Variants in TARDBP observed in about 807,000 individuals in gnomAD.
The protein encoded by TARDBP is TAR DNA-binding protein 43.
Under a neutral mutation model 38.3 loss-of-function variants are expected in TARDBP, and 4 were observed. The observed-to-expected ratio is 0.10, with a 90% CI of 0.05 to 0.24. TARDBP has a LOEUF of 0.24. TARDBP is among the 10% of genes least tolerant of loss of function. TARDBP has a pLI of 1.00. For synonymous variants in TARDBP, 184 were observed against 183.8 expected, an observed-to-expected ratio of 1.00 and a Z score of -0.01; for missense variants, 202 against 521.9, an observed-to-expected ratio of 0.39 and a Z score of 5.97.
At chr1:11,026,408 A>G (rs1477065390), downstream of TARDBP, 1 of 152,722 alleles carries the variant, frequency 6.5e-6, no homozygotes, top group Non-Finnish European at 1.5e-5. Context: ...TAACATGGAA[A>G]TTTTAGTCAA....
intron 5 of TARDBP, among the ~76,000 whole-genome samples, chr1:11,021,153 T>A (rs1922991): frequency 0.69 from 102,708 of 149,230 alleles, 38,372 homozygotes; most frequent in East Asian, 0.86. Flanking sequence ...TTTTTTTTTT[T>A]TTGAGACAGA....
chr1:11,028,497 C>A (rs558751200), downstream of TARDBP, among the ~76,000 whole-genome samples: 1 of 152,136 alleles, frequency 6.6e-6, no homozygotes, highest in African/African-American at 2.4e-5. Context: ...TATTTTTGGT[C>A]TAGTTGATTC....
At chr1:11,030,248 T>G, downstream of TARDBP, 2 of 1,612,152 alleles carry the variant, frequency 1.2e-6, no homozygotes, top group Non-Finnish European at 1.7e-6. Flanking sequence ...CACACATATT[T>G]ACCTGCAAAT....
chr1:11,027,619 C>T (rs1166003755), downstream of TARDBP: 8 of 1,612,866 alleles, frequency 5.0e-6, no homozygotes, highest in East Asian at 2.2e-5. Context: ...TATATACGCC[C>T]TCCTGTTGTG....
chr1:11,026,687 C>G, downstream of TARDBP: 1 of 418,148 alleles, frequency 2.4e-6, no homozygotes, highest in Non-Finnish European at 4.2e-6. Flanking sequence ...GGTTTATGTC[C>G]CCTTGAGTCA....
chr1:11,021,011 C>T (rs1016453570), intron 5 of TARDBP, among the ~76,000 whole-genome samples: 2 of 152,048 alleles, frequency 1.3e-5, no homozygotes, highest in Non-Finnish European at 1.5e-5. Context: ...CCTTGTAAGA[C>T]GTAGGGTGTA....
chr1:11,021,780 G>T (rs371634819), intron 5 of TARDBP, among the ~76,000 whole-genome samples: 51 of 151,918 alleles, frequency 3.4e-4, no homozygotes, highest in East Asian at 1.6e-3. Flanking sequence ...CTTTTTTGTG[G>T]TTTTTTTTGA....
downstream of TARDBP, chr1:11,029,799 C>T (rs1473131035): frequency 3.7e-5 from 6 of 164,212 alleles, no homozygotes; most frequent in Admixed American, 6.2e-5. Context: ...CCACCACACC[C>T]GGCTAATTTT....
chr1:11,027,689 T>C, downstream of TARDBP: 1 of 1,532,310 alleles, frequency 6.5e-7, no homozygotes, highest in Non-Finnish European at 8.8e-7. Context: ...TTTGTAAAAA[T>C]GTCAATCGTG....
intron 5 of TARDBP, among the ~76,000 whole-genome samples, chr1:11,021,668 C>T (rs1009153020): frequency 2.6e-5 from 4 of 152,200 alleles, no homozygotes; most frequent in South Asian, 4.1e-4. Context: ...TAGCTCACTA[C>T]ACCCTAGAAC....
chr1:11,027,538 C>T (rs538447621), downstream of TARDBP: 4 of 1,614,136 alleles, frequency 2.5e-6, no homozygotes, highest in East Asian at 6.7e-5. Flanking sequence ...AAAAGTGCAC[C>T]TGCTGCTGTG....
chr1:11,013,591 C>T, intron 1 of TARDBP, 125 bp from the exon 2 acceptor site: 1 of 768,250 alleles, frequency 1.3e-6, no homozygotes, highest in Non-Finnish European at 2.2e-6. Flanking sequence ...ATAACCAATG[C>T]ATATACGAAT....
At chr1:11,027,778 T>C (rs1782454), downstream of TARDBP, 738,576 of 885,896 alleles carry the variant, frequency 0.83, 308,542 homozygotes, top group East Asian at 0.87. Context: ...GGTGGGTGAC[T>C]ACCTATACAG....
At chr1:11,013,208 C>T (rs1643446690) in intron 1 of TARDBP, among the ~76,000 whole-genome samples, 1 of 152,228 alleles carries the variant, frequency 6.6e-6, no homozygotes, top group Non-Finnish European at 1.5e-5. Flanking sequence ...AAATGAGGAA[C>T]AGAGGGAAAC....
chr1:11,023,690 C>G lies in TARDBP; in HGVS notation c.*1036C>G, dbSNP rs1363873749. Reference sequence around the variant, plus strand: ...TAAGTGAGTTTTTGTTCTTAGATAACCCACATTAGATGAATGTGTTAAGTG... The same window carrying G: ...TAAGTGAGTTTTTGTTCTTAGATAAGCCACATTAGATGAATGTGTTAAGTG... On this transcript the variant is annotated 3_prime_UTR_variant, in exon 6 of 6. Coordinates refer to ENST00000240185, the MANE Select transcript of TARDBP (RefSeq NM_007375.4). The G allele has an allele frequency of 1.1e-5, 2 of 182,946 alleles. No homozygotes were observed. The highest frequency in any genetic ancestry group is 2.3e-5 in the Non-Finnish European group (2 of 87,102). The allele number at this position is 182,946 out of a possible 1,614,324, so 11.3% of individuals were successfully genotyped here.
In TARDBP at chr1:11,022,189, C is replaced by T. The variant is rs945279656; in HGVS notation, c.780C>T (p.Ala260=). 13 of 1,613,798 alleles carry T rather than the reference C, an allele frequency of 8.1e-6. No individual in the cohort carries two copies. The highest frequency in any genetic ancestry group is 1.3e-5 in the African/African-American group (1 of 74,896). ...IKGISVHISN[A]EPKHNSNRQL... ...GAATCAGCGTTCATATATCCAATGC[C>T]GAACCTAAGCACAATAGCAATAGAC... Residue 260 remains alanine (A), a synonymous_variant, in exon 6 of 6, where the codon GCC becomes GCT. Coordinates refer to ENST00000240185, the MANE Select transcript of TARDBP (RefSeq NM_007375.4). The surrounding 1 kb of genome is among the most constrained non-coding windows in gnomAD (Gnocchi z 4.5).
rs1643693570 is a variant in TARDBP, at chr1:11,024,457, G to C, written c.*1803G>C. The C allele has an allele frequency of 6.6e-6, 1 of 152,536 alleles. No homozygotes were observed. The highest frequency in any genetic ancestry group is 1.5e-5 in the Non-Finnish European group (1 of 68,032). The allele number at this position is 152,536 out of a possible 1,614,324, so 9.4% of individuals were successfully genotyped here. A position where few individuals can be genotyped will look rare whatever the true frequency, so the allele number is the denominator to read the frequency against. ...CTTCTAAAAAGATTCTTATTTGGGG[G>C]AGTGGGCAAAATGTTGATTATTTTC... On this transcript the variant is annotated 3_prime_UTR_variant, in exon 6 of 6. Transcript: ENST00000240185.
downstream of TARDBP, among the ~76,000 whole-genome samples, chr1:11,029,085 C>T (rs1403551566): frequency 2.2e-4 from 34 of 151,196 alleles, 1 homozygote; most frequent in Admixed American, 2.0e-3. Context: ...CTCCACCTCC[C>T]GGGTTCACGC....
In TARDBP at chr1:11,022,573, A is replaced by C; in HGVS notation, c.1164A>C (p.Ala388=). 6.3e-7 allele frequency: 1 copy of C among 1,584,030 alleles called. No individual in the cohort carries two copies. Among genetic ancestry groups the C allele is most frequent in the Non-Finnish European group, 8.6e-7 (1 of 1,163,154 alleles). Reference sequence around the variant, plus strand: ...GTGCAGCAATTGGTTGGGGATCAGCATCCAATGCAGGGTCGGGCAGTGGTT... The same window carrying C: ...GTGCAGCAATTGGTTGGGGATCAGCCTCCAATGCAGGGTCGGGCAGTGGTT... The part of the protein sequence containing the change: ...NSGAAIGWGS[A]SNAGSGSGFN... Residue 388 remains alanine, a synonymous_variant, in exon 6 of 6, where the codon GCA becomes GCC. Transcript: ENST00000240185. This position sits in a 1 kb window ranked among gnomAD's most constrained non-coding sequence, Gnocchi z 4.5.
Sources: gnomAD v4.1 joint callset for allele counts (sites outside exome capture counted in the v4.1 genomes callset) on GRCh38, gnomAD v4.1.1 for gene constraint, Gnocchi (gnomAD v3.1) non-coding constraint, MANE v1.5 for transcripts, NCBI Gene and HGNC (gene_info 2026-07-23, HGNC 2026-07-21) for gene names.